DENND4C: variants seen among roughly 807,000 people sequenced by gnomAD.
DENND4C encodes the protein DENN domain-containing protein 4C.
Under a neutral mutation model 203.0 loss-of-function variants are expected in DENND4C, and 108 were observed. That is an observed-to-expected ratio of 0.53 (90% CI 0.46 to 0.62). The LOEUF is 0.62. Among genes scored for constraint, DENND4C ranks in the 20% least tolerant of loss-of-function variants. The pLI is 0.00. For synonymous variants in DENND4C, 871 were observed against 792.4 expected, an observed-to-expected ratio of 1.10 and a Z score of -1.67; for missense variants, 2,481 against 2,301.2, an observed-to-expected ratio of 1.08 and a Z score of -1.60.
Position 19,358,293 on chromosome 9 carries a change from C to T in DENND4C, c.5160+133C>T, listed in dbSNP as rs1825807473. On this transcript the variant is annotated intron_variant, in intron 28 of 32. Coordinates refer to ENST00000434457, the MANE Select transcript of DENND4C (RefSeq NM_001330640.2). This position sits in a 1 kb window ranked among gnomAD's most constrained non-coding sequence, Gnocchi z 4.8. ...ATAGAGTTTTTCCATAAACAAATAACTTTTTATTGTGGAGAATTTCAAATA... is the reference window on the plus strand; with the variant it reads ...ATAGAGTTTTTCCATAAACAAATAATTTTTTATTGTGGAGAATTTCAAATA... 7 of 711,118 alleles carry T rather than the reference C, an allele frequency of 9.8e-6. No individual in the cohort carries two copies. Among genetic ancestry groups the T allele is most frequent in the Non-Finnish European group, 1.5e-5 (7 of 478,590 alleles). The allele number at this position is 711,118 out of a possible 1,614,324, so 44.1% of individuals were successfully genotyped here. A position where few individuals can be genotyped will look rare whatever the true frequency, so the allele number is the denominator to read the frequency against.
chr9:19,236,135 A>T (rs1332319481), intron 1 of DENND4C, among the ~76,000 whole-genome samples: 1 of 151,926 alleles, frequency 6.6e-6, no homozygotes, highest in African/African-American at 2.4e-5. Flanking sequence ...ATCTTTTTTT[A>T]AATTATGGAA....
intron 13 of DENND4C, 115 bp from the exon 14 acceptor site, chr9:19,325,824 G>C: frequency 6.5e-6 from 6 of 925,220 alleles, no homozygotes; most frequent in Non-Finnish European, 1.0e-5. Flanking sequence ...TGCATGTTTT[G>C]TATCAGCTGG....
intron 1 of DENND4C, among the ~76,000 whole-genome samples, chr9:19,274,050 A>G (rs571756002): frequency 1.3e-5 from 2 of 152,180 alleles, no homozygotes; most frequent in East Asian, 1.9e-4. Flanking sequence ...TGGTATATTC[A>G]TTCAGTAGAA....
At chr9:19,293,240 C>T (rs902250871) in intron 5 of DENND4C, among the ~76,000 whole-genome samples, 1 of 152,128 alleles carries the variant, frequency 6.6e-6, no homozygotes, top group East Asian at 1.9e-4. Flanking sequence ...ATCTGCTTGG[C>T]TTTTTCATTG....
At position 19,288,578 on chromosome 9, in the gene DENND4C, C is replaced by T. The variant is rs145236859; in HGVS notation, c.559-18C>T. 1.8e-4 allele frequency: 223 copies of T among 1,227,386 alleles called. No individual in the cohort carries two copies. In the African/African-American group the frequency reaches 2.9e-3, roughly 16 times the overall value. 76.0% of individuals were successfully genotyped at this position (1,227,386 alleles called of 1,614,324 possible). ...TCACTCTTTTGTCTTTTTTATAAAC[C>T]TAATTCATGTTTTACAGTGGGGTTC... On this transcript the variant is annotated intron_variant, in intron 3 of 32. Coordinates refer to ENST00000434457, the MANE Select transcript of DENND4C (RefSeq NM_001330640.2).
rs1563795602 is a variant in DENND4C at position 19,316,499 on chromosome 9, T to G, written c.1570T>G (p.Tyr524Asp). ...KNLLSTLKKL[Y>D]PQLSSVHQKT... ...TCTACTTAGCACCTTAAAGAAATTG[T>G]ATCCCCAGCTGTCTTCAGGTAATGT... Residue 524 changes from tyrosine (Y) to aspartate (D), a missense_variant, in exon 11 of 33, where the codon TAT becomes GAT. This residue lies in a region of DENND4C where 2,289 missense variants were observed against 2,113.3 expected (regional missense o/e 1.08). Transcript: ENST00000434457. The G allele has an allele frequency of 6.2e-7, 1 of 1,613,646 alleles. No individual in the cohort carries two copies. Among genetic ancestry groups the G allele is most frequent in the African/African-American group, 1.3e-5 (1 of 75,038 alleles).
chr9:19,369,909 A>G lies in DENND4C; in HGVS notation c.5597A>G (p.Gln1866Arg). ...ETSTLVETIR[Q>R]SIQHNNVLKP... ...AGCACTTTAGTAGAAACCATCAGGCAGAGTATTCAGCACAATAATGTTCTT... is the reference window on the plus strand; with the variant it reads ...AGCACTTTAGTAGAAACCATCAGGCGGAGTATTCAGCACAATAATGTTCTT... The change falls in exon 31 of 33, where the codon CAG (glutamine) becomes CGG (arginine). Residue 1866 changes from glutamine to arginine, a missense_variant. This residue lies in a region of DENND4C where 2,289 missense variants were observed against 2,113.3 expected (regional missense o/e 1.08). Transcript: ENST00000434457. 1 of 1,613,966 alleles carries G rather than the reference A, an allele frequency of 6.2e-7. No individual in the cohort carries two copies. The highest frequency in any genetic ancestry group is 1.1e-5 in the South Asian group (1 of 91,026).
At chr9:19,281,164 A>T (rs1329331697) in intron 2 of DENND4C, among the ~76,000 whole-genome samples, 1 of 152,176 alleles carries the variant, frequency 6.6e-6, no homozygotes, top group Non-Finnish European at 1.5e-5. Context: ...AAATAAAATG[A>T]TGACTTACGT....
chr9:19,251,591 T>C lies in DENND4C; in HGVS notation c.-18+20758T>C, dbSNP rs565413100. Among the ~76,000 whole-genome samples the C allele has an allele frequency of 2.6e-5, 4 of 152,346 alleles. No homozygotes were observed. In the East Asian group the frequency reaches 5.8e-4, roughly 22 times the overall value. ...GTCAGGATGCAAATTTTCTGAACTT[T>C]TATGCTCTGCTTCCCCTGTAAAAGT... On this transcript the variant is annotated intron_variant, in intron 1 of 32. Transcript: ENST00000434457.
rs919577437 is a variant in DENND4C, at chr9:19,332,164, G to C, written c.2440G>C (p.Asp814His). ...YDVLIKMRKT[D>H]VDPLDEVCYR... ...TGTACTTATTAAGATGAGGAAAACA[G>C]ATGTGGATCCCTTAGATGAGGCAAG... The change falls in exon 17 of 33, where the codon GAT becomes CAT. Residue 814 changes from aspartate to histidine, a missense_variant. By Grantham distance (81) the Asp-to-His change is moderately conservative. This residue lies in a region of DENND4C where 2,289 missense variants were observed against 2,113.3 expected (regional missense o/e 1.08). Transcript: ENST00000434457. The C allele has an allele frequency of 8.7e-6, 14 of 1,613,906 alleles. No homozygotes were observed. In the Middle Eastern group the frequency reaches 5.0e-4, roughly 57 times the overall value.
chr9:19,256,316 T>C (rs1405295179), intron 1 of DENND4C, among the ~76,000 whole-genome samples: 2 of 120,084 alleles, frequency 1.7e-5, no homozygotes, highest in African/African-American at 6.7e-5. Flanking sequence ...TTTGTTTTTT[T>C]TTTTTTTTTT....
rs1468392977 is a variant in DENND4C, at chr9:19,294,828, C to T, written c.802-1180C>T. 2.0e-5 allele frequency among the ~76,000 whole-genome samples: 3 copies of T among 152,128 alleles called. No homozygotes were observed. The East Asian group carries it at 5.8e-4, about 29-fold the overall frequency. On this transcript the variant is annotated intron_variant, in intron 5 of 32. Coordinates refer to ENST00000434457, the MANE Select transcript of DENND4C (RefSeq NM_001330640.2). ...GTATGATTCCTCTTATAGGAGGTAC[C>T]TAGAATAGCTACCCTTATAGAGATA...
At chr9:19,275,557 G>A (rs542857052) in intron 1 of DENND4C, among the ~76,000 whole-genome samples, 139 of 152,044 alleles carry the variant, frequency 9.1e-4, no homozygotes, top group African/African-American at 3.1e-3. Flanking sequence ...TGCAGCTTCT[G>A]CCCCCTGGGT....
chr9:19,259,722 C>G (rs943521972), intron 1 of DENND4C, among the ~76,000 whole-genome samples: 1 of 152,050 alleles, frequency 6.6e-6, no homozygotes, highest in Non-Finnish European at 1.5e-5. Context: ...TCAGGCTGGT[C>G]TCAAACTCCT....
At chr9:19,297,971 T>C in intron 6 of DENND4C, 85 bp from the exon 7 acceptor site, 2 of 1,056,446 alleles carry the variant, frequency 1.9e-6, no homozygotes, top group Non-Finnish European at 2.8e-6. Flanking sequence ...TCTGGGATGA[T>C]ATATAGTGAT....
rs1829104967 is a variant in DENND4C at position 19,373,030 on chromosome 9, GACT to G, written c.*865_*867del. 3 of 152,042 alleles carry G rather than the reference GACT, an allele frequency of 2.0e-5. No individual in the cohort carries two copies. The highest frequency in any genetic ancestry group is 7.2e-5 in the African/African-American group (3 of 41,392). The allele number at this position is 152,042 out of a possible 1,614,324, so 9.4% of individuals were successfully genotyped here. A position where few individuals can be genotyped will look rare whatever the true frequency, so the allele number is the denominator to read the frequency against. On this transcript the variant is annotated 3_prime_UTR_variant, in exon 33 of 33. Transcript: ENST00000434457. ...GGGTCTCATTGACTATTAAATAAATGACTACTACTAAACTTGTCTGTAGTCATT... is the reference window on the plus strand; with the variant it reads ...GGGTCTCATTGACTATTAAATAAATGACTACTAAACTTGTCTGTAGTCATT...
intron 5 of DENND4C, among the ~76,000 whole-genome samples, chr9:19,295,704 A>G (rs1837326274): frequency 2.0e-5 from 3 of 151,796 alleles, no homozygotes; most frequent in Admixed American, 1.3e-4. Context: ...AAAAATCCAC[A>G]AAAAACTTAA....
chr9:19,283,320 C>T (rs1185512866), intron 2 of DENND4C, among the ~76,000 whole-genome samples: 1 of 152,150 alleles, frequency 6.6e-6, no homozygotes, highest in African/African-American at 2.4e-5. Flanking sequence ...CCACATAGAG[C>T]TGTCTTCTAT....
chr9:19,267,560 C>T (rs893195485), intron 1 of DENND4C, among the ~76,000 whole-genome samples: 20 of 151,554 alleles, frequency 1.3e-4, no homozygotes, highest in Admixed American at 6.6e-4. Flanking sequence ...TTTTAGAGAC[C>T]GGTTCTCACT....
Sources: allele counts gnomAD v4.1 joint callset (sites outside exome capture counted in the v4.1 genomes callset), GRCh38; gene constraint gnomAD v4.1.1; regional missense constraint gnomAD v4.1.1; non-coding constraint Gnocchi (gnomAD v3.1); transcripts MANE v1.5; gene names NCBI Gene and HGNC (gene_info 2026-07-23, HGNC 2026-07-21).